NRXN3: variants seen among roughly 807,000 people sequenced by gnomAD.
NRXN3 encodes the protein neurexin 3.
Under a neutral mutation model 137.6 loss-of-function variants are expected in NRXN3, and 32 were observed. The ratio of observed to expected loss-of-function variants is 0.23; its 90% CI spans 0.18 to 0.31. The LOEUF (loss-of-function observed/expected upper bound fraction) is 0.31. Among genes scored for constraint, NRXN3 ranks in the 10% least tolerant of loss-of-function variants. NRXN3 has a pLI of 1.00. For missense variants in NRXN3, 1,574 were observed against 2,062.5 expected, an observed-to-expected ratio of 0.76 and a Z score of 4.59; for synonymous variants, 798 against 784.5, an observed-to-expected ratio of 1.02 and a Z score of -0.29.
At chr14:79,302,505 A>T (rs895870687) in intron 15 of NRXN3, among the ~76,000 whole-genome samples, 4 of 151,890 alleles carry the variant, frequency 2.6e-5, no homozygotes, top group Admixed American at 6.6e-5. Flanking sequence ...ATCAGATCTC[A>T]TGGTAACTAC....
intron 16 of NRXN3, among the ~76,000 whole-genome samples, chr14:79,596,957 G>A (rs2097864357): frequency 6.6e-6 from 1 of 152,114 alleles, no homozygotes; most frequent in African/African-American, 2.4e-5. Flanking sequence ...GACTTATGGA[G>A]TCGTAACTAT....
intron 15 of NRXN3, among the ~76,000 whole-genome samples, chr14:79,292,345 T>C (rs2083342084): frequency 6.6e-6 from 1 of 152,218 alleles, no homozygotes. Flanking sequence ...CATTGGTGCC[T>C]CATTCTCCTC....
intron 15 of NRXN3, among the ~76,000 whole-genome samples, chr14:79,432,938 G>T (rs1166573134): frequency 6.6e-6 from 1 of 152,170 alleles, no homozygotes; most frequent in African/African-American, 2.4e-5. Flanking sequence ...ACTGTCAGAA[G>T]ATGTGTGTCT....
intron 15 of NRXN3, among the ~76,000 whole-genome samples, chr14:79,013,429 A>G (rs2099574372): frequency 6.6e-6 from 1 of 152,166 alleles, no homozygotes; most frequent in Non-Finnish European, 1.5e-5. Flanking sequence ...AGTGCCTGCT[A>G]CAACAAAAAC....
chr14:79,848,785 T>A (rs1242691524), intron 20 of NRXN3, among the ~76,000 whole-genome samples: 1 of 152,142 alleles, frequency 6.6e-6, no homozygotes, highest in Non-Finnish European at 1.5e-5. Flanking sequence ...GGTGATCTGA[T>A]CCAGCCTCTT....
intron 16 of NRXN3, among the ~76,000 whole-genome samples, chr14:79,652,450 C>T (rs747796991): frequency 2.6e-5 from 4 of 152,114 alleles, no homozygotes; most frequent in Non-Finnish European, 4.4e-5. Flanking sequence ...CTTACAGTGC[C>T]TGCCATATCT....
intron 1 of NRXN3, among the ~76,000 whole-genome samples, chr14:78,235,784 G>A (rs2066213736): frequency 1.3e-5 from 2 of 152,202 alleles, no homozygotes; most frequent in Non-Finnish European, 2.9e-5. Context: ...AAGGCTTGGT[G>A]ACTAAGACTA....
intron 15 of NRXN3, among the ~76,000 whole-genome samples, chr14:79,239,082 A>G (rs905053189): frequency 6.6e-6 from 1 of 152,114 alleles, no homozygotes; most frequent in African/African-American, 2.4e-5. Flanking sequence ...TGTTTTTTCC[A>G]TACATACATG....
intron 16 of NRXN3, among the ~76,000 whole-genome samples, chr14:79,644,557 C>A (rs1391179239): frequency 7.4e-6 from 1 of 135,712 alleles, no homozygotes; most frequent in Admixed American, 7.8e-5. Flanking sequence ...TACTTACCTC[C>A]CTCTAAGAGA....
chr14:79,789,141 C>T (rs945656391), intron 19 of NRXN3, among the ~76,000 whole-genome samples: 1 of 151,880 alleles, frequency 6.6e-6, no homozygotes, highest in Non-Finnish European at 1.5e-5. Flanking sequence ...TAAATTTGAA[C>T]CAACAGAGTG....
intron 6 of NRXN3, among the ~76,000 whole-genome samples, chr14:78,669,186 G>A (rs1043339838): frequency 6.6e-6 from 1 of 152,166 alleles, no homozygotes; most frequent in African/African-American, 2.4e-5. Context: ...AATAGCGTCA[G>A]TAAAGTCACA....
chr14:79,488,010 G>T lies in NRXN3; in HGVS notation c.3444+20608G>T, dbSNP rs117891790. 5.8e-3 allele frequency among the ~76,000 whole-genome samples: 880 copies of T among 152,282 alleles called. 21 individuals are homozygous for T. The East Asian group carries it at 0.079, about 14-fold the overall frequency. On this transcript the variant is annotated intron_variant, in intron 16 of 20. Transcript: ENST00000335750. ...TTCATACCTGGGAGGACAGATTACAGGAGAGATGTGATAATTAGAGATACT... is the reference window on the plus strand; with the variant it reads ...TTCATACCTGGGAGGACAGATTACATGAGAGATGTGATAATTAGAGATACT...
intron 10 of NRXN3, among the ~76,000 whole-genome samples, chr14:78,910,527 T>C: frequency 6.6e-6 from 1 of 152,074 alleles, no homozygotes. Context: ...TAGAGCATTT[T>C]CCCCCAAGAT....
intron 4 of NRXN3, among the ~76,000 whole-genome samples, chr14:78,595,022 A>G (rs1375762711): frequency 6.6e-6 from 1 of 152,238 alleles, no homozygotes; most frequent in Non-Finnish European, 1.5e-5. Flanking sequence ...GGTGAGCAGA[A>G]CAAAGTCCTT....
intron 15 of NRXN3, among the ~76,000 whole-genome samples, chr14:79,086,367 G>T (rs778257942): frequency 6.6e-6 from 1 of 151,980 alleles, no homozygotes; most frequent in East Asian, 1.9e-4. Flanking sequence ...GCCATCCCTC[G>T]CTTTAACTTG....
intron 4 of NRXN3, among the ~76,000 whole-genome samples, chr14:78,326,817 C>T (rs1597366737): frequency 6.6e-6 from 1 of 151,694 alleles, no homozygotes; most frequent in Admixed American, 6.6e-5. Flanking sequence ...TTTCTTTGTT[C>T]TAGTGGAGGA....
chr14:79,500,149 T>C (rs1347137529), intron 16 of NRXN3, among the ~76,000 whole-genome samples: 1 of 151,408 alleles, frequency 6.6e-6, no homozygotes. Flanking sequence ...CAGACATTTA[T>C]CTTTAAGTCA....
intron 4 of NRXN3, among the ~76,000 whole-genome samples, chr14:78,591,395 G>C (rs1314440766): frequency 6.6e-6 from 1 of 152,120 alleles, no homozygotes; most frequent in African/African-American, 2.4e-5. Flanking sequence ...TCCATATTGC[G>C]GGGCTGTGGA....
intron 9 of NRXN3, among the ~76,000 whole-genome samples, chr14:78,807,488 T>C (rs112542701): frequency 6.6e-6 from 1 of 152,122 alleles, no homozygotes; most frequent in African/African-American, 2.4e-5. Context: ...CTTAGGCCTG[T>C]AATCCCAGCT....
Sources: allele counts gnomAD v4.1 joint callset (sites outside exome capture counted in the v4.1 genomes callset), GRCh38; gene constraint gnomAD v4.1.1; transcripts MANE v1.5; gene names NCBI Gene and HGNC (gene_info 2026-07-23, HGNC 2026-07-21).